CTBP1: variants seen among roughly 807,000 people sequenced by gnomAD.
CTBP1 encodes the protein C-terminal binding protein 1, also known as C-terminal-binding protein 1.
A neutral mutation model predicts 42.1 loss-of-function variants in CTBP1; 11 were observed. The ratio of observed to expected loss-of-function variants is 0.26; its 90% CI spans 0.16 to 0.43. The LOEUF (loss-of-function observed/expected upper bound fraction) is 0.43, where lower values mean the gene tolerates loss of function less well. CTBP1 is among the 20% of genes least tolerant of loss of function. The pLI is 1.00. For missense variants in CTBP1, 399 were observed against 624.3 expected, an observed-to-expected ratio of 0.64 and a Z score of 3.85; for synonymous variants, 324 against 277.1, an observed-to-expected ratio of 1.17 and a Z score of -1.68.
intron 1 of CTBP1, chr4:1,245,249 G>T (rs1206019748): frequency 1.0e-6 from 1 of 985,310 alleles, no homozygotes; most frequent in African/African-American, 1.7e-5. Context: ...ACAGCGCAGG[G>T]GCTGTGATCA....
chr4:1,247,205 C>T (rs537043460), intron 1 of CTBP1, among the ~76,000 whole-genome samples: 1 of 152,346 alleles, frequency 6.6e-6, no homozygotes, highest in South Asian at 2.1e-4. Context: ...TCAAGGCTGA[C>T]AGGAAGAAGT....
rs757167464 is a variant in CTBP1 at position 1,212,354 on chromosome 4, G to A, written c.1176C>T (p.Ser392=). ...IPAAVEGIVP[S]AMSLSHGLPP... ...GCAGGCCGTGGGACAGGGACATGGCGCTGGGGACGATACCTTCCACAGCAG... is the reference window on the plus strand; with the variant it reads ...GCAGGCCGTGGGACAGGGACATGGCACTGGGGACGATACCTTCCACAGCAG... Residue 392 remains serine (S), a synonymous_variant, in exon 10 of 10, where the codon AGC becomes AGT. Transcript: ENST00000382952. The A allele has an allele frequency of 2.0e-5, 31 of 1,512,972 alleles. No homozygotes were observed. Among genetic ancestry groups the A allele is most frequent in the South Asian group, 2.5e-5 (2 of 78,780 alleles). The allele number at this position is 1,512,972 out of a possible 1,614,324, so 93.7% of individuals were successfully genotyped here.
intron 5 of CTBP1, among the ~76,000 whole-genome samples, 169 bp downstream of exon 5, chr4:1,225,191 C>G (rs1730195615): frequency 6.6e-6 from 1 of 152,230 alleles, no homozygotes. Flanking sequence ...AGGGCACACG[C>G]CTGGGACTCC....
chr4:1,225,363 G>A lies in CTBP1; in HGVS notation c.511C>T (p.Leu171Phe). The change falls in exon 5 of 10, where the codon CTT becomes TTT. Residue 171 changes from leucine to phenylalanine, a missense_variant. Physicochemically the swap from Leu to Phe is conservative, Grantham distance 22. Transcript: ENST00000382952. ...IRGETLGIIGLGRVGQAVALR... is the reference protein window; with the variant it reads ...IRGETLGIIGFGRVGQAVALR... Reference sequence around the variant, plus strand: ...CGTGGAGCTGCGGCCGACGCACCAAGTCCGATGATGCCCAAGGTCTCCCCG... The same window carrying A: ...CGTGGAGCTGCGGCCGACGCACCAAATCCGATGATGCCCAAGGTCTCCCCG... The A allele has an allele frequency of 6.4e-7, 1 of 1,555,284 alleles. No homozygotes were observed. The highest frequency in any genetic ancestry group is 8.7e-7 in the Non-Finnish European group (1 of 1,155,554).
intron 1 of CTBP1, chr4:1,243,120 G>A (rs1389755027): frequency 5.1e-6 from 5 of 985,316 alleles, no homozygotes; most frequent in Non-Finnish European, 6.0e-6. Context: ...ACCGGCTGCT[G>A]CTCGTCAAGA....
intron 2 of CTBP1, 91 bp downstream of exon 2, chr4:1,241,234 T>C (rs1398901800): frequency 2.6e-5 from 20 of 779,110 alleles, no homozygotes; most frequent in African/African-American, 5.1e-5. Context: ...CCCAGGTCCC[T>C]CGACTTGATC....
intron 3 of CTBP1, among the ~76,000 whole-genome samples, chr4:1,230,138 G>A (rs761688830): frequency 1.1e-4 from 17 of 152,046 alleles, no homozygotes; most frequent in Non-Finnish European, 1.5e-4. Context: ...CAGTGTGGAC[G>A]GGGTGACCCC....
chr4:1,241,521 T>TA lies in CTBP1; in HGVS notation c.-188-3dup. On this transcript the variant is annotated splice_polypyrimidine_tract_variant and splice_region_variant and intron_variant, in intron 1 of 9. Transcript: ENST00000382952. ...GCCTGCGTCGGGGTCAAAGTCTTAC[T>TA]AAAAATCAAACACAAGAGACACATT... is the stretch of plus-strand genomic sequence containing the variant. The TA allele has an allele frequency of 6.3e-7, 1 of 1,591,720 alleles. No homozygotes were observed. Among genetic ancestry groups the TA allele is most frequent in the Non-Finnish European group, 8.5e-7 (1 of 1,175,358 alleles).
intron 9 of CTBP1, 154 bp downstream of exon 9, chr4:1,212,759 T>C (rs1277828385): frequency 2.9e-6 from 2 of 684,228 alleles, no homozygotes; most frequent in Non-Finnish European, 4.9e-6. Context: ...CTGGTTCTCA[T>C]GGGCCTTTCA....
At chr4:1,218,797 G>A (rs149922589) in intron 5 of CTBP1, among the ~76,000 whole-genome samples, 2 of 152,216 alleles carry the variant, frequency 1.3e-5, no homozygotes, top group African/African-American at 4.8e-5. Flanking sequence ...ACTAAGCAGA[G>A]TATAGGTTAA....
intron 5 of CTBP1, 71 bp downstream of exon 5, chr4:1,225,289 C>T: frequency 3.4e-6 from 5 of 1,483,326 alleles, no homozygotes; most frequent in Non-Finnish European, 3.6e-6. Flanking sequence ...GCCTCTCCTC[C>T]TGGGCACAGC....
At chr4:1,237,628 TCAGGACAAACCCCG>T in intron 3 of CTBP1, 5 of 575,384 alleles carry the variant, frequency 8.7e-6, no homozygotes, top group Non-Finnish European at 1.6e-5. Flanking sequence ...CTGATGGGGC[TCAGGACAAACCCCG>T]TGTCCACCTC....
At chr4:1,249,491 C>CAGCCGCAGCCGCA (rs1553852823), upstream of CTBP1, 2 of 157,856 alleles carry the variant, frequency 1.3e-5, no homozygotes, top group Non-Finnish European at 2.7e-5. Flanking sequence ...CGCTCCTCCG[C>CAGCCGCAGCCGCA]GCCGCAGCCG....
intron 5 of CTBP1, among the ~76,000 whole-genome samples, chr4:1,225,062 G>A (rs1730180325): frequency 6.6e-6 from 1 of 152,026 alleles, no homozygotes; most frequent in Non-Finnish European, 1.5e-5. Context: ...TTATCTGCAT[G>A]TGCCCATGAG....
Position 1,237,852 on chromosome 4 carries a change from G to A in CTBP1, c.162+331C>T, listed in dbSNP as rs769843303. The A allele has an allele frequency of 4.9e-5, 34 of 698,176 alleles. 1 individual carries two copies. Among genetic ancestry groups the A allele is most frequent in the South Asian group, 7.4e-5 (5 of 67,450 alleles). 43.2% of individuals were successfully genotyped at this position (698,176 alleles called of 1,614,324 possible). On this transcript the variant is annotated intron_variant, in intron 3 of 9. Transcript: ENST00000382952. ...CCTGATGGGGCTCAGGGAAAACCCC[G>A]TGTCCACCTCCTGATGGGGCACAGG...
At chr4:1,244,616 C>T (rs1732532250) in intron 1 of CTBP1, 23 of 985,304 alleles carry the variant, frequency 2.3e-5, no homozygotes, top group Non-Finnish European at 2.8e-5. Context: ...CCCCTCCCCA[C>T]AGCAGCCCCT....
Position 1,233,663 on chromosome 4 carries a change from G to A in CTBP1, c.162+4520C>T, listed in dbSNP as rs768062840. On this transcript the variant is annotated intron_variant, in intron 3 of 9. Transcript: ENST00000382952. This position sits in a 1 kb window ranked among gnomAD's most constrained non-coding sequence, Gnocchi z 4.6. ...TCCCGGTGGGTGACATCCCCCACCC[G>A]TGGTATCAGTAAAATCCCAGTCCTG... Among the ~76,000 whole-genome samples, 4 of 152,124 alleles carry A rather than the reference G, an allele frequency of 2.6e-5. No homozygotes were observed. Among genetic ancestry groups the A allele is most frequent in the Non-Finnish European group, 5.9e-5 (4 of 68,028 alleles).
chr4:1,225,660 C>T, intron 4 of CTBP1, 94 bp from the exon 5 acceptor site: 1 of 1,324,294 alleles, frequency 7.6e-7, no homozygotes, highest in Non-Finnish European at 1.0e-6. Flanking sequence ...TTTGAAGCTT[C>T]CCAAGGAAGA....
At chr4:1,226,842 A>C (rs1730401825) in intron 4 of CTBP1, among the ~76,000 whole-genome samples, 1 of 151,724 alleles carries the variant, frequency 6.6e-6, no homozygotes, top group Admixed American at 6.6e-5. Context: ...AAGCAGCTGA[A>C]GCCAGTGCAG....
Sources: gnomAD v4.1 joint callset for allele counts (sites outside exome capture counted in the v4.1 genomes callset) on GRCh38, gnomAD v4.1.1 for gene constraint, Gnocchi (gnomAD v3.1) non-coding constraint, MANE v1.5 for transcripts, NCBI Gene and HGNC (gene_info 2026-07-23, HGNC 2026-07-21) for gene names.